The following NOTCH2 variants were observed in gnomAD, a reference collection of about 807,000 sequenced individuals.
NOTCH2 encodes neurogenic locus notch homolog protein 2.
In NOTCH2, 29 loss-of-function variants were observed where a neutral mutation model predicts 235.8. The ratio of observed to expected loss-of-function variants is 0.12; its 90% confidence interval spans 0.09 to 0.17. The LOEUF (loss-of-function observed/expected upper bound fraction) is 0.17, where lower values mean the gene tolerates loss of function less well. NOTCH2 is among the 10% of genes least tolerant of loss of function. The pLI is 1.00. For synonymous variants in NOTCH2, 1,086 were observed against 1,141.5 expected (o/e 0.95, Z 0.98); for missense variants, 2,285 against 3,150.2 (o/e 0.73, Z 6.57).
At position 119,925,472 on chromosome 1, in the gene NOTCH2, G is replaced by A. The variant is rs1472388177; in HGVS notation, c.4344C>T (p.Cys1448=). Residue 1448 remains cysteine, a synonymous_variant, in exon 25 of 34, where the codon TGC becomes TGT. Transcript: ENST00000256646. The stretch of plus-strand genomic sequence containing the variant: ...GAGAACAGTCACCCCCATCCCACTG[G>A]CAGGCATGGCTGTTGCAGGCCTCAT... ...VCDEACNSHA[C]QWDGGDCSLT... is the part of the protein sequence containing the mutation. 1 of 1,614,070 alleles carries A rather than the reference G, an allele frequency of 6.2e-7. No homozygotes were observed. The highest frequency in any genetic ancestry group is 1.3e-5 in the African/African-American group (1 of 74,932).
intron 14 of NOTCH2, among the ~76,000 whole-genome samples, chr1:119,952,512 A>G (rs1226407003): frequency 2.0e-5 from 3 of 152,222 alleles, no homozygotes; most frequent in Non-Finnish European, 4.4e-5. Flanking sequence ...ATCATCAGGC[A>G]CTAGATTCTT....
In NOTCH2 at chr1:119,982,040, C is replaced by T. The variant is rs80013569; in HGVS notation, c.874+4920G>A. 8.0e-3 allele frequency among the ~76,000 whole-genome samples: 1,214 copies of T among 152,172 alleles called. 16 individuals are homozygous for T. The highest frequency in any genetic ancestry group is 0.026 in the African/African-American group (1,097 of 41,508). On this transcript the variant is annotated intron_variant, in intron 5 of 33. Transcript: ENST00000256646. ...GCTAGACTGAGACAGGAAGATCTAG[C>T]TCAAAATAAAAGCACCATCATGAAA...
chr1:119,930,610 C>T (rs1649620037), intron 22 of NOTCH2, among the ~76,000 whole-genome samples: 1 of 151,168 alleles, frequency 6.6e-6, no homozygotes, highest in Non-Finnish European at 1.5e-5. Flanking sequence ...GAAACCCCAT[C>T]TCTACTAAAT....
chr1:119,957,688 G>A (rs1570692060), intron 12 of NOTCH2, among the ~76,000 whole-genome samples: 1 of 152,182 alleles, frequency 6.6e-6, no homozygotes, highest in Non-Finnish European at 1.5e-5. Flanking sequence ...AAGGTTTCAT[G>A]CTACACCTTA....
intron 5 of NOTCH2, among the ~76,000 whole-genome samples, chr1:119,975,041 C>A (rs952134229): frequency 6.6e-6 from 1 of 152,112 alleles, no homozygotes; most frequent in African/African-American, 2.4e-5. Flanking sequence ...TAGCAACTTG[C>A]CCAACTTTGC....
Position 119,916,336 on chromosome 1 carries a change from C to T in NOTCH2, c.6386G>A (p.Ser2129Asn), listed in dbSNP as rs2101144325. Reference sequence around the variant, plus strand: ...CTCACTCAGAGACTTCTTCCTCCTACTACCCTTGGCATCCTTTGCCTCCTT... The same window carrying T: ...CTCACTCAGAGACTTCTTCCTCCTATTACCCTTGGCATCCTTTGCCTCCTT... ...LAKEAKDAKG[S>N]RRKKSLSEKV... Residue 2129 changes from serine (S) to asparagine (N), a missense_variant, in exon 34 of 34, where the codon AGT (serine) becomes AAT (asparagine). Ser to Asn is a conservative substitution (Grantham distance 46). This residue lies in a region of NOTCH2 where 504 missense variants were observed against 538.0 expected (regional missense o/e 0.94). Transcript: ENST00000256646. 1 of 1,614,218 alleles carries T rather than the reference C, an allele frequency of 6.2e-7. No homozygotes were observed. Among genetic ancestry groups the T allele is most frequent in the South Asian group, 1.1e-5 (1 of 91,086 alleles).
chr1:119,999,911 A>AAGAG (rs1227226640), intron 3 of NOTCH2, among the ~76,000 whole-genome samples: 6 of 136,260 alleles, frequency 4.4e-5, no homozygotes, highest in Non-Finnish European at 4.8e-5. Flanking sequence ...GAAAGAGAGA[A>AAGAG]AGAGAGAGAA....
chr1:119,950,452 T>C (rs1650426697), intron 15 of NOTCH2: 3 of 591,924 alleles, frequency 5.1e-6, no homozygotes, highest in African/African-American at 1.8e-5. Context: ...CCATCATCTA[T>C]GTGCCTGGTT....
Position 119,987,068 on chromosome 1 carries a change from T to C in NOTCH2, c.766A>G (p.Thr256Ala), listed in dbSNP as rs782348393. The C allele has an allele frequency of 1.9e-6, 3 of 1,613,486 alleles. No individual in the cohort carries two copies. The Admixed American group carries it at 5.0e-5, about 27-fold the overall frequency. The stretch of plus-strand genomic sequence containing the variant: ...CAGTCATCAATATTCCTCTCACAGG[T>C]GCTCCCTTCAAAACCTGGTAAATGA... ...CNCLPGFEGS[T>A]CERNIDDCPN... Residue 256 changes from threonine to alanine, a missense_variant, in exon 5 of 34, where the codon ACC becomes GCC. Coordinates refer to ENST00000256646, the MANE Select transcript of NOTCH2 (RefSeq NM_024408.4).
At position 120,069,511 on chromosome 1, in the gene NOTCH2, G is replaced by C. The variant is rs1185372016; in HGVS notation, c.-105C>G. 3.4e-6 allele frequency: 5 copies of C among 1,451,674 alleles called. No individual in the cohort carries two copies. The African/African-American group carries it at 6.0e-5, about 17-fold the overall frequency. 89.9% of individuals were successfully genotyped at this position (1,451,674 alleles called of 1,614,324 possible). ...CCCCACTCTCTCCTCCCCTCCTCCT[G>C]CTTCAAAGGCTCAGGCCCTGGCGCT... On this transcript the variant is annotated 5_prime_UTR_variant, in exon 1 of 34. Coordinates refer to ENST00000256646, the MANE Select transcript of NOTCH2 (RefSeq NM_024408.4).
intron 5 of NOTCH2, among the ~76,000 whole-genome samples, chr1:119,981,889 T>C (rs1017773636): frequency 6.6e-6 from 1 of 151,868 alleles, no homozygotes; most frequent in South Asian, 2.1e-4. Context: ...TGAAATACCA[T>C]ATATAATTAA....
At chr1:120,002,735 T>G (rs1444065574) in intron 3 of NOTCH2, among the ~76,000 whole-genome samples, 1 of 145,132 alleles carries the variant, frequency 6.9e-6, no homozygotes, top group Non-Finnish European at 1.5e-5. Flanking sequence ...ATCTTCATTT[T>G]ATTTCCTTTC....
intron 2 of NOTCH2, among the ~76,000 whole-genome samples, chr1:120,024,896 C>G (rs1158979593): frequency 6.7e-6 from 1 of 149,678 alleles, no homozygotes; most frequent in Non-Finnish European, 1.5e-5. Context: ...TTGCTCTGGA[C>G]AAAATATCAA....
chr1:120,005,303 C>G (rs2725914), intron 3 of NOTCH2, 26 bp downstream of exon 3: 17 of 1,613,842 alleles, frequency 1.1e-5, no homozygotes, highest in Middle Eastern at 1.6e-4. Flanking sequence ...AGGTAGGAAA[C>G]CACTGGCTTT....
Position 119,915,707 on chromosome 1 carries a change from T to C in NOTCH2, c.7015A>G (p.Met2339Val). The change falls in exon 34 of 34, where the codon ATG becomes GTG. Residue 2339 changes from methionine (M) to valine (V), a missense_variant. Transcript: ENST00000256646. The stretch of plus-strand genomic sequence containing the variant: ...CGGGCCATTTCTGGAATCTGGTACA[T>C]GGTGGGCAGGGGGCCCGCAACAGCT... The part of the protein sequence containing the change: ...PPAVAGPLPT[M>V]YQIPEMARLP... The C allele has an allele frequency of 6.2e-7, 1 of 1,610,846 alleles. No homozygotes were observed. Among genetic ancestry groups the C allele is most frequent in the East Asian group, 2.2e-5 (1 of 44,832 alleles).
chr1:119,987,368 G>C (rs1652060904), intron 4 of NOTCH2, among the ~76,000 whole-genome samples: 1 of 152,148 alleles, frequency 6.6e-6, no homozygotes, highest in Non-Finnish European at 1.5e-5. Flanking sequence ...GATGATAAAT[G>C]TCTACTTGGG....
chr1:119,921,717 A>G lies in NOTCH2; in HGVS notation c.5306T>C (p.Val1769Ala), dbSNP rs777458744. The G allele has an allele frequency of 7.4e-6, 12 of 1,613,868 alleles. No homozygotes were observed. In the South Asian group the frequency reaches 1.2e-4, roughly 16 times the overall value. ...VDDEGPQPKKVKAEDEALLSE... is the reference protein window; with the variant it reads ...VDDEGPQPKKAKAEDEALLSE... ...GTTCTACCATGGCCACCTCACCTTT[A>G]CTTTCTTTGGCTGGGGCCCTTCATC... Residue 1769 changes from valine to alanine, a missense_variant, in exon 29 of 34, where the codon GTA becomes GCA. Around this residue, in one of 6 missense-constraint regions of NOTCH2, gnomAD observed 1,173 missense variants for 1,515.3 expected, o/e 0.77. Coordinates refer to ENST00000256646, the MANE Select transcript of NOTCH2 (RefSeq NM_024408.4).
chr1:119,967,699 T>G (rs1553199865), intron 7 of NOTCH2, 78 bp from the exon 8 acceptor site: 1 of 1,266,234 alleles, frequency 7.9e-7, no homozygotes, highest in African/African-American at 1.5e-5. Flanking sequence ...GAGCATCTGA[T>G]GGTTATAGCA....
rs756715170 is a variant in NOTCH2 at position 119,915,734 on chromosome 1, G to T, written c.6988C>A (p.Pro2330Thr). The change falls in exon 34 of 34, where the codon CCA (proline) becomes ACA (threonine). Residue 2330 changes from proline (P) to threonine (T), a missense_variant. Physicochemically the swap from Pro to Thr is conservative, Grantham distance 38. Coordinates refer to ENST00000256646, the MANE Select transcript of NOTCH2 (RefSeq NM_024408.4). ...GAPQPQSTCP[P>T]AVAGPLPTMY... ...GTGGGCAGGGGGCCCGCAACAGCTG[G>T]AGGGCAGGTGGACTGAGGCTGGGGA... 1 of 1,608,128 alleles carries T rather than the reference G, an allele frequency of 6.2e-7. No individual in the cohort carries two copies. Among genetic ancestry groups the T allele is most frequent in the Non-Finnish European group, 8.5e-7 (1 of 1,176,034 alleles).
Sources: gnomAD v4.1 joint callset for allele counts (sites outside exome capture counted in the v4.1 genomes callset) on GRCh38, gnomAD v4.1.1 for gene constraint, gnomAD v4.1.1 regional missense constraint, MANE v1.5 for transcripts, NCBI Gene and HGNC (gene_info 2026-07-23, HGNC 2026-07-21) for gene names.